Variants in NOL4L observed in about 807,000 individuals in gnomAD.
The protein encoded by NOL4L is nucleolar protein 4 like, also known as nucleolar protein 4-like.
NOL4L carries 7 observed loss-of-function variants against 64.5 expected under a neutral mutation model. That is an observed-to-expected ratio of 0.11 (90% CI 0.06 to 0.20). The LOEUF (loss-of-function observed/expected upper bound fraction) is 0.20, where lower values mean the gene tolerates loss of function less well. Among genes scored for constraint, NOL4L ranks in the 10% least tolerant of loss-of-function variants. The pLI is 1.00. For missense variants in NOL4L, 680 were observed against 967.1 expected (o/e 0.70, Z 3.94); for synonymous variants, 413 against 401.0 (o/e 1.03, Z -0.36).
chr20:32,498,987 C>A (rs1600763995), intron 4 of NOL4L, among the ~76,000 whole-genome samples: 2 of 152,086 alleles, frequency 1.3e-5, no homozygotes, highest in South Asian at 4.1e-4. Context: ...TCAAGTGATT[C>A]TCCTGCCTCA....
chr20:32,475,285 A>C (rs903369758), intron 4 of NOL4L: 6 of 985,286 alleles, frequency 6.1e-6, no homozygotes, highest in Non-Finnish European at 6.0e-6. Context: ...CCTCCTTCCT[A>C]ACCTTTGCTG....
At chr20:32,499,338 C>G (rs575727860) in intron 4 of NOL4L, among the ~76,000 whole-genome samples, 10 of 152,252 alleles carry the variant, frequency 6.6e-5, no homozygotes, top group South Asian at 2.1e-4. Flanking sequence ...AACAAAGAGG[C>G]CTGGGATAAA....
rs201972793 is a variant in NOL4L, at chr20:32,454,443, T to TAGATCCTGCTG, written c.1120-683_1120-682insCAGCAGGATCT. On this transcript the variant is annotated intron_variant, in intron 6 of 10. Coordinates refer to ENST00000621426, the MANE Select transcript of NOL4L (RefSeq NM_001256798.2). ...AACCGGATCCGGCCTCCCCCAGCAG[T>TAGATCCTGCTG]CTCCTGTCCTCCAGTAGAGAAGGGC... 9.6e-3 allele frequency among the ~76,000 whole-genome samples: 1,467 copies of TAGATCCTGCTG among 152,164 alleles called. 28 individuals carry two copies. Among genetic ancestry groups the TAGATCCTGCTG allele is most frequent in the African/African-American group, 0.033 (1,386 of 41,514 alleles).
rs1980796252 is a variant in NOL4L, at chr20:32,584,999, C to A, written c.-109G>T. The stretch of plus-strand genomic sequence containing the variant: ...GGGCCGGGACGCGCCGCGGCCGCGT[C>A]TGTCCCGCGGTGTGGCTCCGGCGAG... On this transcript the variant is annotated 5_prime_UTR_variant, in exon 1 of 11. Transcript: ENST00000621426. 2 of 597,872 alleles carry A rather than the reference C, an allele frequency of 3.3e-6. No homozygotes were observed. The highest frequency in any genetic ancestry group is 6.8e-5 in the South Asian group (1 of 14,628). The allele number at this position is 597,872 out of a possible 1,614,324, so 37.0% of individuals were successfully genotyped here.
intron 4 of NOL4L, among the ~76,000 whole-genome samples, chr20:32,499,032 A>C (rs530503761): frequency 6.6e-6 from 1 of 152,164 alleles, no homozygotes; most frequent in East Asian, 1.9e-4. Flanking sequence ...GGCTCCTGCC[A>C]CCACGCCAGC....
intron 3 of NOL4L, among the ~76,000 whole-genome samples, chr20:32,515,481 T>C (rs2017612063): frequency 1.3e-5 from 2 of 152,024 alleles, no homozygotes; most frequent in Admixed American, 1.3e-4. Flanking sequence ...AGGCAAGCTT[T>C]TCAGCAGTGA....
intron 1 of NOL4L, among the ~76,000 whole-genome samples, chr20:32,542,040 G>A (rs368342929): frequency 1.3e-5 from 2 of 152,122 alleles, no homozygotes; most frequent in Non-Finnish European, 2.9e-5. Context: ...CTGGACAGGC[G>A]GGTGGTGGGG....
chr20:32,548,231 C>T (rs1294125552), intron 1 of NOL4L, among the ~76,000 whole-genome samples: 1 of 152,158 alleles, frequency 6.6e-6, no homozygotes, highest in Non-Finnish European at 1.5e-5. Flanking sequence ...AAAGCTAGAC[C>T]TCTAAGCCCC....
intron 1 of NOL4L, among the ~76,000 whole-genome samples, chr20:32,533,988 G>C (rs1783727357): frequency 6.6e-6 from 1 of 152,218 alleles, no homozygotes; most frequent in African/African-American, 2.4e-5. Flanking sequence ...AGGTCCAGTT[G>C]CTAATGGATT....
chr20:32,477,009 G>A (rs994768955), intron 4 of NOL4L, among the ~76,000 whole-genome samples: 11 of 152,196 alleles, frequency 7.2e-5, no homozygotes, highest in African/African-American at 2.7e-4. Context: ...AGGCATGGGC[G>A]GGCACACGGG....
chr20:32,507,440 C>T (rs1444884017), intron 4 of NOL4L, among the ~76,000 whole-genome samples: 1 of 152,122 alleles, frequency 6.6e-6, no homozygotes, highest in East Asian at 1.9e-4. Flanking sequence ...TTCTGTGAAT[C>T]TTGTTATTGA....
At chr20:32,544,863 C>T (rs2018710717) in intron 1 of NOL4L, among the ~76,000 whole-genome samples, 1 of 152,208 alleles carries the variant, frequency 6.6e-6, no homozygotes, top group Non-Finnish European at 1.5e-5. Flanking sequence ...TCACGACTCT[C>T]AGAGAACCCA....
intron 5 of NOL4L, among the ~76,000 whole-genome samples, chr20:32,466,427 C>T (rs942908250): frequency 1.3e-5 from 2 of 152,220 alleles, no homozygotes; most frequent in Non-Finnish European, 2.9e-5. Context: ...CTTGGCGGGC[C>T]GGGGCCCAGC....
Position 32,468,273 on chromosome 20 carries a change from A to G in NOL4L, c.841+6328T>C, listed in dbSNP as rs555024378. 7.2e-5 allele frequency among the ~76,000 whole-genome samples: 11 copies of G among 152,236 alleles called. No homozygotes were observed. The East Asian group carries it at 2.1e-3, about 29-fold the overall frequency. On this transcript the variant is annotated intron_variant, in intron 5 of 10. Coordinates refer to ENST00000621426, the MANE Select transcript of NOL4L (RefSeq NM_001256798.2). The stretch of plus-strand genomic sequence containing the variant: ...CCCTTCCATGCCAGACCCTCCCCAG[A>G]TGGCCTGGCTGTGGCCTCTCTGCCC...
In NOL4L at chr20:32,584,921, G is replaced by A. The variant is rs1433130077; in HGVS notation, c.-31C>T. On this transcript the variant is annotated 5_prime_UTR_variant, in exon 1 of 11. Coordinates refer to ENST00000621426, the MANE Select transcript of NOL4L (RefSeq NM_001256798.2). Reference sequence around the variant, plus strand: ...CGCCGCGCCCGGCGCCCTCGGGGGCGGGCCGGCCGCCGGGCCGCCCGGTGC... The same window carrying A: ...CGCCGCGCCCGGCGCCCTCGGGGGCAGGCCGGCCGCCGGGCCGCCCGGTGC... The A allele has an allele frequency of 6.0e-6, 7 of 1,162,594 alleles. No individual in the cohort carries two copies. Among genetic ancestry groups the A allele is most frequent in the African/African-American group, 1.6e-5 (1 of 61,256 alleles). The allele number at this position is 1,162,594 out of a possible 1,614,324, so 72.0% of individuals were successfully genotyped here. A position where few individuals can be genotyped will look rare whatever the true frequency, so the allele number is the denominator to read the frequency against.
At chr20:32,543,591 C>G (rs1216338151) in intron 1 of NOL4L, among the ~76,000 whole-genome samples, 1 of 151,596 alleles carries the variant, frequency 6.6e-6, no homozygotes, top group African/African-American at 2.4e-5. Context: ...TGCACTCTAG[C>G]CTGAATGACA....
intron 1 of NOL4L, among the ~76,000 whole-genome samples, chr20:32,556,749 C>T (rs576068940): frequency 5.9e-5 from 9 of 152,152 alleles, no homozygotes; most frequent in Admixed American, 2.0e-4. Context: ...GGGTCTGAGC[C>T]GAGGTGGGCC....
intron 5 of NOL4L, among the ~76,000 whole-genome samples, chr20:32,468,835 G>T (rs1179463553): frequency 4.0e-5 from 6 of 149,584 alleles, no homozygotes; most frequent in African/African-American, 7.4e-5. Flanking sequence ...GAAGGCGGAG[G>T]TTGCAGTGAG....
In NOL4L at chr20:32,529,904, G is replaced by A. The variant is rs534081697; in HGVS notation, c.322-1991C>T. Among the ~76,000 whole-genome samples the A allele has an allele frequency of 3.1e-3, 468 of 152,352 alleles. 2 individuals carry two copies. The highest frequency in any genetic ancestry group is 0.011 in the African/African-American group (454 of 41,580). On this transcript the variant is annotated intron_variant, in intron 1 of 10. Transcript: ENST00000621426. ...CAACCTCCCCGAGCTTCATTTATGA[G>A]ATGAGCTGTAAAGTTCCATGACTTT...
Sources: allele counts gnomAD v4.1 joint callset (sites outside exome capture counted in the v4.1 genomes callset), GRCh38; gene constraint gnomAD v4.1.1; transcripts MANE v1.5; gene names NCBI Gene and HGNC (gene_info 2026-07-23, HGNC 2026-07-21).